The following UGT2B4 variants were observed in gnomAD, a reference collection of about 807,000 sequenced individuals.
UGT2B4 encodes UDP glucuronosyltransferase family 2 member B4, also known as UDP-glucuronosyltransferase 2B4.
In UGT2B4, 49 loss-of-function variants were observed where a neutral mutation model predicts 49.8. The observed-to-expected ratio is 0.98, with a 90% CI of 0.78 to 1.25. The LOEUF (loss-of-function observed/expected upper bound fraction) is 1.25, where lower values mean the gene tolerates loss of function less well. Ranked by LOEUF, UGT2B4 falls within the 50% of genes most tolerant of loss-of-function variation. UGT2B4 has a pLI of 0.00. For synonymous variants in UGT2B4, 246 were observed against 217.7 expected (o/e 1.13, Z -1.14); for missense variants, 729 against 627.7 (o/e 1.16, Z -1.73).
intron 1 of UGT2B4, among the ~76,000 whole-genome samples, chr4:69,509,383 C>G (rs1433681312): frequency 6.6e-6 from 1 of 151,910 alleles, no homozygotes; most frequent in African/African-American, 2.4e-5. Flanking sequence ...TGTGGAAGTT[C>G]TATTTTTAAT....
chr4:69,480,573 T>C lies in UGT2B4; in HGVS notation c.*61A>G. 2 of 1,550,546 alleles carry C rather than the reference T, an allele frequency of 1.3e-6. No homozygotes were observed. The highest frequency in any genetic ancestry group is 8.7e-7 in the Non-Finnish European group (1 of 1,147,232). ...AATCTCTTGTATCACAACGTCTTCT[T>C]GTTGTAATAAACTAAAGGAGTTCAT... is the stretch of plus-strand genomic sequence containing the variant. On this transcript the variant is annotated 3_prime_UTR_variant, in exon 6 of 6. Coordinates refer to ENST00000305107, the MANE Select transcript of UGT2B4 (RefSeq NM_021139.3).
chr4:69,516,970 AG>A (rs1195670239), intron 1 of UGT2B4, among the ~76,000 whole-genome samples: 1 of 150,578 alleles, frequency 6.6e-6, no homozygotes, highest in Non-Finnish European at 1.5e-5. Context: ...ATTTCCTTGG[AG>A]TTGTTTTTCT....
chr4:69,512,485 A>C (rs191054955), intron 1 of UGT2B4, among the ~76,000 whole-genome samples: 347 of 151,840 alleles, frequency 2.3e-3, no homozygotes, highest in Non-Finnish European at 1.7e-3. Context: ...TTTGAGTTTT[A>C]TTCTAGATGG....
At chr4:69,498,850 A>G (rs942244906), upstream of UGT2B4, among the ~76,000 whole-genome samples, 7 of 151,496 alleles carry the variant, frequency 4.6e-5, no homozygotes, top group Non-Finnish European at 8.8e-5. Context: ...ATAGTTTTTC[A>G]TGTTTCTATC....
intron 1 of UGT2B4, among the ~76,000 whole-genome samples, chr4:69,513,341 G>T (rs1288853851): frequency 1.3e-5 from 2 of 152,036 alleles, no homozygotes; most frequent in Non-Finnish European, 2.9e-5. Flanking sequence ...TAAATAGGGA[G>T]TCCTTTCTTT....
intron 1 of UGT2B4, among the ~76,000 whole-genome samples, chr4:69,508,278 T>G (rs549303119): frequency 1.3e-5 from 2 of 152,324 alleles, no homozygotes; most frequent in Admixed American, 6.5e-5. Context: ...TCAATCATCA[T>G]GGAAGACAGT....
intron 1 of UGT2B4, among the ~76,000 whole-genome samples, chr4:69,524,562 A>G (rs901340504): frequency 1.3e-5 from 2 of 152,184 alleles, no homozygotes; most frequent in African/African-American, 4.8e-5. Flanking sequence ...TAAGGAATAT[A>G]GCAATGATGA....
At chr4:69,487,662 A>G (rs1225946994) in intron 3 of UGT2B4, among the ~76,000 whole-genome samples, 1 of 152,178 alleles carries the variant, frequency 6.6e-6, no homozygotes, top group African/African-American at 2.4e-5. Context: ...ACTACCTGTA[A>G]GATGAAACAG....
intron 5 of UGT2B4, among the ~76,000 whole-genome samples, chr4:69,482,520 C>A (rs1727624362): frequency 6.6e-6 from 1 of 152,126 alleles, no homozygotes; most frequent in South Asian, 2.1e-4. Flanking sequence ...TGCTTTTGTC[C>A]TCCAATTAAG....
intron 2 of UGT2B4, 100 bp from the exon 3 acceptor site, chr4:69,489,670 GA>G (rs1350633653): frequency 6.8e-7 from 1 of 1,472,522 alleles, no homozygotes; most frequent in Non-Finnish European, 9.1e-7. Context: ...GTTTTATCAG[GA>G]ATTATTGGAG....
chr4:69,490,485 A>C lies in UGT2B4; in HGVS notation c.871-915T>G, dbSNP rs137917631. The stretch of plus-strand genomic sequence containing the variant: ...CTGCAGAGATTTGGTCACCCTCTTG[A>C]GTAGATCACCCACACTACATAAAAA... On this transcript the variant is annotated intron_variant, in intron 2 of 5. Coordinates refer to ENST00000305107, the MANE Select transcript of UGT2B4 (RefSeq NM_021139.3). Among the ~76,000 whole-genome samples, 145 of 152,242 alleles carry C rather than the reference A, an allele frequency of 9.5e-4. 1 individual carries two copies. The highest frequency in any genetic ancestry group is 3.3e-3 in the African/African-American group (138 of 41,568).
At chr4:69,513,394 A>T (rs1728655097) in intron 1 of UGT2B4, among the ~76,000 whole-genome samples, 1 of 152,108 alleles carries the variant, frequency 6.6e-6, no homozygotes, top group South Asian at 2.1e-4. Context: ...AGATGGTTGT[A>T]GGTGTGCAGT....
chr4:69,523,513 T>C lies in UGT2B4; in HGVS notation c.-106+2174A>G, dbSNP rs566542577. On this transcript the variant is annotated intron_variant, in intron 1 of 1. Transcript: ENST00000510114. ...TTTTCTGAGCAATAGATCTCAATACTGGGCTTAAAATATTCAGTAAATCAT... is the reference window on the plus strand; with the variant it reads ...TTTTCTGAGCAATAGATCTCAATACCGGGCTTAAAATATTCAGTAAATCAT... Among the ~76,000 whole-genome samples the C allele has an allele frequency of 3.3e-5, 5 of 151,174 alleles. No individual in the cohort carries two copies. In the South Asian group the frequency reaches 1.1e-3, roughly 32 times the overall value.
intron 1 of UGT2B4, among the ~76,000 whole-genome samples, chr4:69,520,149 AT>A (rs1728814965): frequency 6.6e-6 from 1 of 152,228 alleles, no homozygotes; most frequent in African/African-American, 2.4e-5. Flanking sequence ...TATCACATAT[AT>A]TTTTCACACA....
At chr4:69,508,092 A>G (rs546996623) in intron 1 of UGT2B4, among the ~76,000 whole-genome samples, 104 of 152,374 alleles carry the variant, frequency 6.8e-4, no homozygotes, top group African/African-American at 2.4e-3. Context: ...TATTTGAAAA[A>G]ATAGCTGAGC....
chr4:69,512,981 G>C (rs75558808), intron 1 of UGT2B4, among the ~76,000 whole-genome samples: 5 of 151,996 alleles, frequency 3.3e-5, no homozygotes, highest in African/African-American at 1.2e-4. Context: ...ATCTGGATAT[G>C]AGAACTTTGT....
chr4:69,520,717 C>A lies in UGT2B4; in HGVS notation c.-106+4970G>T, dbSNP rs186461861. ...TCCAGACTTTGAGCACAGACGAACA[C>A]AGGAAGGCAGCTAAATGGGGACTGA... On this transcript the variant is annotated intron_variant, in intron 1 of 1. Coordinates refer to the UGT2B4 transcript ENST00000510114. 2.8e-3 allele frequency among the ~76,000 whole-genome samples: 419 copies of A among 149,330 alleles called. 1 individual carries two copies. Among genetic ancestry groups the A allele is most frequent in the African/African-American group, 9.5e-3 (393 of 41,296 alleles).
chr4:69,500,939 C>A (rs1011617379), intron 1 of UGT2B4, among the ~76,000 whole-genome samples: 1 of 152,032 alleles, frequency 6.6e-6, no homozygotes, highest in Non-Finnish European at 1.5e-5. Context: ...GATACCCCAG[C>A]TTTCTGGGCT....
intron 5 of UGT2B4, among the ~76,000 whole-genome samples, chr4:69,482,622 T>C (rs1727627693): frequency 6.6e-6 from 1 of 152,136 alleles, no homozygotes; most frequent in South Asian, 2.1e-4. Flanking sequence ...TTTTCCTTTT[T>C]TTGAGATGGA....
Sources: allele counts gnomAD v4.1 joint callset (sites outside exome capture counted in the v4.1 genomes callset), GRCh38; gene constraint gnomAD v4.1.1; transcripts MANE v1.5; gene names NCBI Gene and HGNC (gene_info 2026-07-23, HGNC 2026-07-21).